Variants in OCSTAMP observed in about 807,000 individuals in gnomAD.
The protein encoded by OCSTAMP is transmembrane protein C20orf123.
OCSTAMP carries 17 observed loss-of-function variants against 25.2 expected under a neutral mutation model. The observed-to-expected ratio is 0.68, with a 90% CI of 0.46 to 1.01. The LOEUF (loss-of-function observed/expected upper bound fraction) is 1.01. Among genes scored for constraint, OCSTAMP ranks in the 50% least tolerant of loss-of-function variants. OCSTAMP has a pLI of 0.00. For synonymous variants in OCSTAMP, 345 were observed against 318.9 expected, an observed-to-expected ratio of 1.08 and a Z score of -0.87; for missense variants, 664 against 694.6, an observed-to-expected ratio of 0.96 and a Z score of 0.50.
At position 46,541,760 on chromosome 20, in the gene OCSTAMP, C is replaced by A; in HGVS notation, c.1215G>T (p.Ala405=). ...AGCCCGCCAGGAGCTGCAGGGCCCC[C>A]GCGGCCAGCGGGGCAGCTGCGCGGG... ...RRPRAAAPLA[A]GALQLLAGST... Residue 405 remains alanine (A), a synonymous_variant, in exon 3 of 3, where the codon GCG becomes GCT. Coordinates refer to ENST00000279028, the MANE Select transcript of OCSTAMP (RefSeq NM_080721.3). 1 of 1,535,190 alleles carries A rather than the reference C, an allele frequency of 6.5e-7. No individual in the cohort carries two copies. The highest frequency in any genetic ancestry group is 8.8e-7 in the Non-Finnish European group (1 of 1,140,564).
At chr20:46,547,118 T>C (rs1033161791) in intron 1 of OCSTAMP, among the ~76,000 whole-genome samples, 1 of 152,042 alleles carries the variant, frequency 6.6e-6, no homozygotes, top group Admixed American at 6.5e-5. Flanking sequence ...CGAGGTGCTT[T>C]TGTGTCTGAG....
intron 1 of OCSTAMP, 60 bp from the exon 2 acceptor site, chr20:46,546,389 CA>C (rs2061853239): frequency 2.1e-6 from 3 of 1,407,724 alleles, no homozygotes; most frequent in Non-Finnish European, 2.9e-6. Context: ...GGTGTCTGTC[CA>C]CTGCCCCTGC....
In OCSTAMP at chr20:46,546,163, C is replaced by T. The variant is rs1431835154; in HGVS notation, c.211G>A (p.Ala71Thr). The change falls in exon 2 of 3, where the codon GCA becomes ACA. Residue 71 changes from alanine to threonine, a missense_variant. Transcript: ENST00000279028. ...CCAGGAGGATAAAGCAGCAAGGATG[C>T]CAGCCAGTGATAAACCAGACCTGCA... Reference protein sequence around the residue: ...AAAGLVYHWLASLLLYPPGPS... With the variant: ...AAAGLVYHWLTSLLLYPPGPS... 1 of 1,551,732 alleles carries T rather than the reference C, an allele frequency of 6.4e-7. No homozygotes were observed. Among genetic ancestry groups the T allele is most frequent in the South Asian group, 1.2e-5 (1 of 84,060 alleles).
At chr20:46,548,631 C>T (rs1420865885) in intron 1 of OCSTAMP, among the ~76,000 whole-genome samples, 1 of 152,128 alleles carries the variant, frequency 6.6e-6, no homozygotes, top group Non-Finnish European at 1.5e-5. Flanking sequence ...GGAGATCATA[C>T]ATTATCTTAA....
In OCSTAMP at chr20:46,550,544, C is replaced by A. The variant is rs1873879347; in HGVS notation, c.17G>T (p.Gly6Val). MPGHP[G>V]AAEQLVKTGW... The stretch of plus-strand genomic sequence containing the variant: ...GGTCTTGACAAGTTGCTCAGCTGCT[C>A]CTGGGTGGCCTGGCATGCTGTCCAA... Residue 6 changes from glycine to valine, a missense_variant, in exon 1 of 3, where the codon GGA (glycine) becomes GTA (valine). Physicochemically the swap from Gly to Val is moderately radical, Grantham distance 109. Coordinates refer to ENST00000279028, the MANE Select transcript of OCSTAMP (RefSeq NM_080721.3). The A allele has an allele frequency of 1.9e-6, 3 of 1,551,586 alleles. No individual in the cohort carries two copies. The highest frequency in any genetic ancestry group is 2.7e-5 in the African/African-American group (2 of 73,060).
At position 46,545,826 on chromosome 20, in the gene OCSTAMP, C is replaced by T. The variant is rs117208520; in HGVS notation, c.548G>A (p.Arg183Gln). ...ALGPTGQAGS[R>Q]GLTFEAQDNG... The stretch of plus-strand genomic sequence containing the variant: ...GTCCTGGGCCTCAAATGTCAGGCCC[C>T]GGCTGCCTGCCTGGCCTGTGGGGCC... Residue 183 changes from arginine (R) to glutamine (Q), a missense_variant, in exon 2 of 3, where the codon CGG becomes CAG. Arg to Gln is a conservative substitution (Grantham distance 43). Coordinates refer to ENST00000279028, the MANE Select transcript of OCSTAMP (RefSeq NM_080721.3). The T allele has an allele frequency of 3.9e-3, 6,113 of 1,551,228 alleles. 123 individuals are homozygous for T. The East Asian group carries it at 0.062, about 16-fold the overall frequency.
chr20:46,541,215 G>A lies in OCSTAMP; in HGVS notation c.*59C>T, dbSNP rs1480618986. ...ATGAGCCTGATCGCCAACCAGCCTG[G>A]AGGAACCATGAGCTCTCTCTGCACT... On this transcript the variant is annotated 3_prime_UTR_variant, in exon 3 of 3. Transcript: ENST00000279028. 3 of 681,578 alleles carry A rather than the reference G, an allele frequency of 4.4e-6. No individual in the cohort carries two copies. The highest frequency in any genetic ancestry group is 8.2e-6 in the Non-Finnish European group (3 of 363,778). 42.2% of individuals were successfully genotyped at this position (681,578 alleles called of 1,614,324 possible). A position where few individuals can be genotyped will look rare whatever the true frequency, so the allele number is the denominator to read the frequency against.
Position 46,541,685 on chromosome 20 carries a change from G to A in OCSTAMP, c.1290C>T (p.Ala430=), listed in dbSNP as rs1365327762. ...AYARRLRHAI[A]ASFFTAQEAR... The stretch of plus-strand genomic sequence containing the variant: ...CCTCCTGGGCTGTGAAGAAGGAAGC[G>A]GCGATGGCATGCCGCAGGCGGCGGG... The change falls in exon 3 of 3, where the codon GCC becomes GCT. Residue 430 remains alanine (A), a synonymous_variant. Transcript: ENST00000279028. 15 of 1,550,052 alleles carry A rather than the reference G, an allele frequency of 9.7e-6. No individual in the cohort carries two copies. The highest frequency in any genetic ancestry group is 1.1e-5 in the Non-Finnish European group (13 of 1,146,924).
intron 1 of OCSTAMP, among the ~76,000 whole-genome samples, chr20:46,549,805 ACT>A (rs2061864757): frequency 4.6e-5 from 1 of 21,548 alleles, no homozygotes; most frequent in East Asian, 5.8e-3. Flanking sequence ...ATTGTGGCCC[ACT>A]CTGTGTGTGT....
intron 1 of OCSTAMP, among the ~76,000 whole-genome samples, chr20:46,549,792 C>T (rs1461078724): frequency 5.0e-5 from 2 of 39,754 alleles, no homozygotes; most frequent in Non-Finnish European, 1.3e-4. Context: ...GCAAATGTGC[C>T]TTATTGTGGC....
chr20:46,544,382 A>T (rs2061844730), intron 2 of OCSTAMP, among the ~76,000 whole-genome samples: 1 of 152,226 alleles, frequency 6.6e-6, no homozygotes, highest in African/African-American at 2.4e-5. Context: ...AACACTATTT[A>T]TGACTCCTTA....
rs2061851569 is a variant in OCSTAMP at position 46,546,112 on chromosome 20, A to G, written c.262T>C (p.Cys88Arg). 1 of 1,551,798 alleles carries G rather than the reference A, an allele frequency of 6.4e-7. No individual in the cohort carries two copies. The highest frequency in any genetic ancestry group is 8.7e-7 in the Non-Finnish European group (1 of 1,147,004). The change falls in exon 2 of 3, where the codon TGT becomes CGT. Residue 88 changes from cysteine (C) to arginine (R), a missense_variant. By Grantham distance (180) the Cys-to-Arg change is radical. Transcript: ENST00000279028. ...AGGCTCAGGAAGACCAGGAGGCCAC[A>G]GACAGTGGCAACCATGGCTGAAGGT... ...PGPSAMVATV[C>R]GLLVFLSLGL... is the part of the protein sequence containing the mutation.
chr20:46,545,535 G>C lies in OCSTAMP; in HGVS notation c.839C>G (p.Pro280Arg). ...CTGAGCCGCCTGGAGCAGCCAGGTG[G>C]GTGGAGGGGCCAGGAGGTGTGTAGC... Reference protein sequence around the residue: ...AQATHLLAPPPTWLLQAAQLR... With the variant: ...AQATHLLAPPRTWLLQAAQLR... Residue 280 changes from proline to arginine, a missense_variant, in exon 2 of 3, where the codon CCC becomes CGC. Physicochemically the swap from Pro to Arg is moderately radical, Grantham distance 103. Transcript: ENST00000279028. 6.4e-7 allele frequency: 1 copy of C among 1,551,512 alleles called. No homozygotes were observed. Among genetic ancestry groups the C allele is most frequent in the East Asian group, 2.4e-5 (1 of 40,918 alleles).
At chr20:46,543,001 A>G (rs1227109594) in intron 2 of OCSTAMP, among the ~76,000 whole-genome samples, 1 of 152,226 alleles carries the variant, frequency 6.6e-6, no homozygotes, top group Non-Finnish European at 1.5e-5. Flanking sequence ...AATGCTGGAA[A>G]CAATGGTGGG....
intron 2 of OCSTAMP, among the ~76,000 whole-genome samples, chr20:46,544,404 T>C (rs892361111): frequency 4.6e-5 from 7 of 152,226 alleles, no homozygotes; most frequent in Admixed American, 1.3e-4. Flanking sequence ...ATTGATTAAA[T>C]TGATTTTGTG....
At chr20:46,546,522 C>G (rs1321467511) in intron 1 of OCSTAMP, among the ~76,000 whole-genome samples, 193 bp from the exon 2 acceptor site, 2 of 152,220 alleles carry the variant, frequency 1.3e-5, no homozygotes, top group African/African-American at 2.4e-5. Flanking sequence ...GAGCCTTCCC[C>G]AGGATTACTC....
At chr20:46,542,515 G>A (rs1338402387) in intron 2 of OCSTAMP, among the ~76,000 whole-genome samples, 1 of 148,202 alleles carries the variant, frequency 6.7e-6, no homozygotes. Flanking sequence ...CGAGAGGGGA[G>A]GGTGCAGTGA....
chr20:46,549,328 G>A (rs1435897706), intron 1 of OCSTAMP, among the ~76,000 whole-genome samples: 2 of 152,178 alleles, frequency 1.3e-5, no homozygotes, highest in African/African-American at 2.4e-5. Context: ...TGTTTCACTC[G>A]AGTCTCCTCT....
intron 1 of OCSTAMP, among the ~76,000 whole-genome samples, chr20:46,549,478 G>T (rs1165473769): frequency 6.6e-6 from 1 of 152,186 alleles, no homozygotes; most frequent in East Asian, 1.9e-4. Context: ...TCTGAGCATA[G>T]TATGCCTGGG....
Sources: allele counts gnomAD v4.1 joint callset (sites outside exome capture counted in the v4.1 genomes callset), GRCh38; gene constraint gnomAD v4.1.1; transcripts MANE v1.5; gene names NCBI Gene and HGNC (gene_info 2026-07-23, HGNC 2026-07-21).